CDC26: variants seen among roughly 807,000 people sequenced by gnomAD.
CDC26 encodes cell division cycle 26.
Under a neutral mutation model 8.0 loss-of-function variants are expected in CDC26, and 2 were observed. That is an observed-to-expected ratio of 0.25 (90% CI 0.10 to 0.79). The LOEUF is 0.79. Ranked by LOEUF, CDC26 falls within the 30% of genes least tolerant of loss-of-function variation. The probability of loss-of-function intolerance (pLI) is 0.70; values close to 1 mark genes in which losing one functional copy is unlikely to be tolerated. For missense variants in CDC26, 68 were observed against 106.0 expected, an observed-to-expected ratio of 0.64 and a Z score of 1.57; for synonymous variants, 19 against 34.9, an observed-to-expected ratio of 0.55 and a Z score of 1.60.
intron 1 of CDC26, among the ~76,000 whole-genome samples, chr9:113,273,845 A>AAAAAAG (rs1186886459): frequency 9.1e-5 from 13 of 143,580 alleles, no homozygotes; most frequent in African/African-American, 3.5e-4. Context: ...AAAAAAAAAA[A>AAAAAAG]AGGCTCAAGA....
intron 1 of CDC26, among the ~76,000 whole-genome samples, chr9:113,274,969 TAC>T (rs1832034410): frequency 1.3e-5 from 2 of 152,156 alleles, no homozygotes. Flanking sequence ...CAGAGAGACG[TAC>T]AGAGTTACCT....
At chr9:113,268,489 G>C (rs1254220102) in intron 3 of CDC26, among the ~76,000 whole-genome samples, 1 of 152,234 alleles carries the variant, frequency 6.6e-6, no homozygotes, top group African/African-American at 2.4e-5. Flanking sequence ...AAGGATAACA[G>C]ATGATAACTT....
chr9:113,273,550 G>C (rs1291928067), intron 1 of CDC26, 112 bp from the exon 2 acceptor site: 2 of 152,136 alleles, frequency 1.3e-5, no homozygotes, highest in Non-Finnish European at 2.9e-5. Context: ...AGTGTGGGGT[G>C]GACAAGGATG....
Position 113,267,067 on chromosome 9 carries a change from A to G in CDC26, c.*196T>C, listed in dbSNP as rs544576544. 6.6e-5 allele frequency: 32 copies of G among 481,916 alleles called. No individual in the cohort carries two copies. The highest frequency in any genetic ancestry group is 4.5e-4 in the African/African-American group (23 of 51,582). 29.9% of individuals were successfully genotyped at this position (481,916 alleles called of 1,614,324 possible). A position where few individuals can be genotyped will look rare whatever the true frequency, so the allele number is the denominator to read the frequency against. On this transcript the variant is annotated 3_prime_UTR_variant, in exon 4 of 4. Transcript: ENST00000374206. ...AAATCAGATCAGTTTTATAGAGTCAAATTTTCAAGAGACAAACCAGAGTTT... is the reference window on the plus strand; with the variant it reads ...AAATCAGATCAGTTTTATAGAGTCAGATTTTCAAGAGACAAACCAGAGTTT...
chr9:113,267,781 G>T (rs1052411549), intron 3 of CDC26, among the ~76,000 whole-genome samples: 1 of 152,076 alleles, frequency 6.6e-6, no homozygotes, highest in Non-Finnish European at 1.5e-5. Flanking sequence ...GAGGTCAGGA[G>T]ATCGAGACCA....
intron 3 of CDC26, among the ~76,000 whole-genome samples, chr9:113,269,424 A>C (rs996500806): frequency 6.6e-6 from 1 of 152,238 alleles, no homozygotes. Context: ...AAATGGAATG[A>C]AATCACTTAA....
intron 3 of CDC26, among the ~76,000 whole-genome samples, chr9:113,269,475 A>G (rs1831919771): frequency 6.6e-6 from 1 of 152,250 alleles, no homozygotes; most frequent in South Asian, 2.1e-4. Flanking sequence ...CAGAAGCTAG[A>G]GTCACAGTAG....
intron 1 of CDC26, among the ~76,000 whole-genome samples, chr9:113,274,449 C>G (rs550727794): frequency 5.2e-4 from 79 of 152,264 alleles, no homozygotes; most frequent in African/African-American, 1.9e-3. Flanking sequence ...CAGGCATTAT[C>G]TTCTACCAGA....
At chr9:113,272,137 G>T (rs1267666844) in intron 3 of CDC26, among the ~76,000 whole-genome samples, 1 of 152,186 alleles carries the variant, frequency 6.6e-6, no homozygotes, top group African/African-American at 2.4e-5. Flanking sequence ...TGTATTCATG[G>T]CTGGGTGCAG....
chr9:113,274,068 G>A (rs1490861825), intron 1 of CDC26, among the ~76,000 whole-genome samples: 7 of 152,096 alleles, frequency 4.6e-5, no homozygotes, highest in South Asian at 4.1e-4. Context: ...CTTGAGCACC[G>A]TGCTGTTTTT....
chr9:113,270,749 T>C (rs1242197510), intron 3 of CDC26, among the ~76,000 whole-genome samples: 3 of 151,998 alleles, frequency 2.0e-5, no homozygotes, highest in African/African-American at 7.3e-5. Context: ...GTGGCTAGGG[T>C]ATAGAGAGCA....
rs377045950 is a variant in CDC26, at chr9:113,272,411, A to G, written c.81+16T>C. 6.3e-6 allele frequency: 10 copies of G among 1,598,782 alleles called. No homozygotes were observed. Among genetic ancestry groups the G allele is most frequent in the Non-Finnish European group, 8.6e-6 (10 of 1,167,752 alleles). ...GCGAGACTCCATCTCAAAAAAACAC[A>G]AAGTTGTATTCATACCTCCAGGTCC... On this transcript the variant is annotated intron_variant, in intron 3 of 3. Coordinates refer to ENST00000374206, the MANE Select transcript of CDC26 (RefSeq NM_139286.4).
At chr9:113,267,509 AC>A (rs2118536413) in intron 3 of CDC26, 70 bp from the exon 4 acceptor site, 13 of 1,525,934 alleles carry the variant, frequency 8.5e-6, no homozygotes, top group Non-Finnish European at 1.2e-5. Flanking sequence ...TAGAACACCT[AC>A]CATGTACTAG....
intron 3 of CDC26, among the ~76,000 whole-genome samples, chr9:113,270,921 A>G (rs539319843): frequency 6.6e-6 from 1 of 152,342 alleles, no homozygotes; most frequent in East Asian, 1.9e-4. Context: ...CATTCTTGAT[A>G]CTGGATGCAG....
chr9:113,275,540 G>C lies in CDC26; in HGVS notation c.-310C>G. 1.9e-6 allele frequency: 1 copy of C among 540,308 alleles called. No homozygotes were observed. The highest frequency in any genetic ancestry group is 2.3e-5 in the South Asian group (1 of 43,380). 33.5% of individuals were successfully genotyped at this position (540,308 alleles called of 1,614,324 possible). On this transcript the variant is annotated 5_prime_UTR_variant, in exon 1 of 4. Transcript: ENST00000374206. ...TTTTCCTGGAGGTTCTAGGAGGGATGCCCCTCAATGCCACGACGCCATTTC... is the reference window on the plus strand; with the variant it reads ...TTTTCCTGGAGGTTCTAGGAGGGATCCCCCTCAATGCCACGACGCCATTTC...
intron 1 of CDC26, 152 bp downstream of exon 1, chr9:113,275,230 C>T (rs1039323977): frequency 6.5e-6 from 1 of 153,026 alleles, no homozygotes; most frequent in Non-Finnish European, 1.5e-5. Context: ...AGGCCTGTAC[C>T]TCGGAGCCCA....
intron 1 of CDC26, 32 bp from the exon 2 acceptor site, chr9:113,273,470 T>A (rs1439975658): frequency 6.6e-6 from 1 of 152,190 alleles, no homozygotes; most frequent in African/African-American, 2.4e-5. Context: ...AACTGTGATA[T>A]CATGTAATGA....
At position 113,267,421 on chromosome 9, in the gene CDC26, C is replaced by T; in HGVS notation, c.100G>A (p.Glu34Lys). Residue 34 changes from glutamate (E) to lysine (K), a missense_variant, in exon 4 of 4, where the codon GAA becomes AAA. By Grantham distance (56) the Glu-to-Lys change is moderately conservative. Transcript: ENST00000374206. ...KDLETRKKQK[E>K]DVEVVGGSDG... ...CTGCCTCCTACAACTTCCACATCTT[C>T]CTTCTGTTTCTTACGGGTCTGAAAG... is the stretch of plus-strand genomic sequence containing the variant. 1 of 1,596,522 alleles carries T rather than the reference C, an allele frequency of 6.3e-7. No individual in the cohort carries two copies. The highest frequency in any genetic ancestry group is 8.5e-7 in the Non-Finnish European group (1 of 1,174,720).
intron 3 of CDC26, among the ~76,000 whole-genome samples, chr9:113,269,233 TAA>T (rs58607088): frequency 7.1e-6 from 1 of 140,310 alleles, no homozygotes; most frequent in African/African-American, 2.6e-5. Flanking sequence ...ACAATAAAAA[TAA>T]AAAAAAAAAA....
Sources: gnomAD v4.1 joint callset for allele counts (sites outside exome capture counted in the v4.1 genomes callset) on GRCh38, gnomAD v4.1.1 for gene constraint, MANE v1.5 for transcripts, NCBI Gene and HGNC (gene_info 2026-07-23, HGNC 2026-07-21) for gene names.